PTPRD: variants seen among roughly 807,000 people sequenced by gnomAD.
PTPRD encodes protein tyrosine phosphatase receptor type D.
In PTPRD, 34 loss-of-function variants were observed where a neutral mutation model predicts 214.5. The observed-to-expected ratio is 0.16, with a 90% confidence interval of 0.12 to 0.21. The LOEUF (loss-of-function observed/expected upper bound fraction) is 0.21, where lower values mean the gene tolerates loss of function less well. Among genes scored for constraint, PTPRD ranks in the 10% least tolerant of loss-of-function variants. The pLI, the probability that PTPRD is intolerant of heterozygous loss-of-function variation, is 1.00. For missense variants in PTPRD, 2,545 were observed against 2,398.7 expected (o/e 1.06, Z -1.27); for synonymous variants, 1,128 against 845.7 (o/e 1.33, Z -5.79).
chr9:8,714,360 C>T (rs551932550), intron 12 of PTPRD, among the ~76,000 whole-genome samples: 2 of 152,064 alleles, frequency 1.3e-5, no homozygotes, highest in Middle Eastern at 3.4e-3. Context: ...CTTTATTCTG[C>T]CCTTTGCAGA....
intron 10 of PTPRD, among the ~76,000 whole-genome samples, chr9:9,145,714 G>C (rs2099867464): frequency 6.6e-6 from 1 of 152,150 alleles, no homozygotes; most frequent in South Asian, 2.1e-4. Context: ...GCCCTGTGTA[G>C]AAGCAAGGAG....
intron 10 of PTPRD, among the ~76,000 whole-genome samples, chr9:9,112,362 T>C (rs1329668170): frequency 3.3e-5 from 5 of 152,118 alleles, no homozygotes; most frequent in Admixed American, 2.0e-4. Flanking sequence ...AATTTTCCCC[T>C]CCTCTCCAGC....
chr9:8,732,547 G>A (rs774841295), intron 12 of PTPRD, among the ~76,000 whole-genome samples: 6 of 152,136 alleles, frequency 3.9e-5, no homozygotes, highest in African/African-American at 1.2e-4. Context: ...TCTTTTCCCA[G>A]TTAATTATTT....
intron 2 of PTPRD, among the ~76,000 whole-genome samples, chr9:10,459,417 G>A (rs780858763): frequency 1.3e-5 from 2 of 152,138 alleles, no homozygotes; most frequent in Non-Finnish European, 2.9e-5. Flanking sequence ...TATATACCCA[G>A]TAATGGGATT....
chr9:8,910,537 C>T (rs912450537), intron 11 of PTPRD, among the ~76,000 whole-genome samples: 2 of 152,146 alleles, frequency 1.3e-5, no homozygotes, highest in African/African-American at 4.8e-5. Flanking sequence ...TGCTCAGCCC[C>T]TCACCATGTG....
intron 37 of PTPRD, among the ~76,000 whole-genome samples, 182 bp from the exon 38 acceptor site, chr9:8,376,908 C>A (rs1478794938): frequency 6.6e-6 from 1 of 152,144 alleles, no homozygotes; most frequent in African/African-American, 2.4e-5. Context: ...ATATAAACCA[C>A]ATTTTTCAAA....
intron 4 of PTPRD, among the ~76,000 whole-genome samples, chr9:10,014,444 CA>C (rs1216134680): frequency 7.9e-5 from 12 of 151,960 alleles, no homozygotes; most frequent in African/African-American, 2.9e-4. Flanking sequence ...ATTCTAGGTG[CA>C]TTTTGACTTT....
At chr9:9,873,026 C>G (rs1196175474) in intron 5 of PTPRD, among the ~76,000 whole-genome samples, 1 of 152,008 alleles carries the variant, frequency 6.6e-6, no homozygotes, top group Non-Finnish European at 1.5e-5. Flanking sequence ...TTTGATAATC[C>G]TTTTTAAAAT....
chr9:10,093,200 A>C (rs2098449988), intron 3 of PTPRD, among the ~76,000 whole-genome samples: 1 of 151,666 alleles, frequency 6.6e-6, no homozygotes, highest in Admixed American at 6.6e-5. Context: ...CAAACTATGC[A>C]TCAAGAAAAG....
intron 5 of PTPRD, among the ~76,000 whole-genome samples, chr9:9,902,055 T>C (rs1190413019): frequency 3.9e-5 from 6 of 152,222 alleles, no homozygotes; most frequent in Non-Finnish European, 5.9e-5. Context: ...CTAATAGGTC[T>C]GGTAAATACC....
chr9:9,295,400 T>C (rs1595352147), intron 9 of PTPRD, among the ~76,000 whole-genome samples: 2 of 151,766 alleles, frequency 1.3e-5, no homozygotes, highest in East Asian at 1.9e-4. Context: ...CTGACAGTTC[T>C]GTCACAAAAA....
rs188747552 is a variant in PTPRD at position 10,484,270 on chromosome 9, T to A, written c.-600+128128A>T. Among the ~76,000 whole-genome samples the A allele has an allele frequency of 1.0e-3, 154 of 152,164 alleles. 1 individual carries two copies. Among genetic ancestry groups the A allele is most frequent in the Admixed American group, 3.8e-3 (58 of 15,282 alleles). ...GGGTACACGAGGTCAGACAGAGTAG[T>A]ACAATGGACATTGGAGACTCAGAAA... On this transcript the variant is annotated intron_variant, in intron 2 of 45. Transcript: ENST00000381196.
intron 2 of PTPRD, among the ~76,000 whole-genome samples, chr9:10,373,399 T>G (rs1313396744): frequency 6.6e-6 from 1 of 152,108 alleles, no homozygotes; most frequent in Non-Finnish European, 1.5e-5. Flanking sequence ...AACATTCAGA[T>G]TATTTTGTAT....
chr9:8,800,989 C>T (rs1023930938), intron 11 of PTPRD, among the ~76,000 whole-genome samples: 1 of 152,170 alleles, frequency 6.6e-6, no homozygotes, highest in African/African-American at 2.4e-5. Flanking sequence ...GGCTATGATA[C>T]AAATACTTAA....
intron 9 of PTPRD, among the ~76,000 whole-genome samples, chr9:9,356,002 G>C (rs771654710): frequency 7.9e-5 from 12 of 151,422 alleles, no homozygotes; most frequent in African/African-American, 2.9e-4. Flanking sequence ...TAGAGCATTG[G>C]ATTTAGCAAT....
chr9:8,671,330 T>C (rs1290527408), intron 12 of PTPRD, among the ~76,000 whole-genome samples: 3 of 152,038 alleles, frequency 2.0e-5, no homozygotes, highest in Non-Finnish European at 4.4e-5. Flanking sequence ...GTGGAAGGCA[T>C]ATAAATTAGT....
intron 5 of PTPRD, among the ~76,000 whole-genome samples, chr9:9,859,599 T>C (rs2153687462): frequency 6.6e-6 from 1 of 152,350 alleles, no homozygotes; most frequent in East Asian, 1.9e-4. Flanking sequence ...CATATTTGTA[T>C]AAATATTCTA....
At chr9:9,507,896 T>C (rs2096607322) in intron 8 of PTPRD, among the ~76,000 whole-genome samples, 1 of 151,468 alleles carries the variant, frequency 6.6e-6, no homozygotes, top group African/African-American at 2.4e-5. Flanking sequence ...ATTCGTGTCT[T>C]GGGTAGCTCT....
intron 3 of PTPRD, among the ~76,000 whole-genome samples, chr9:10,229,398 C>A (rs967403467): frequency 6.6e-6 from 1 of 152,022 alleles, no homozygotes; most frequent in Non-Finnish European, 1.5e-5. Context: ...AAGACACATG[C>A]ACACGTATGT....
Sources: allele counts gnomAD v4.1 joint callset (sites outside exome capture counted in the v4.1 genomes callset), GRCh38; gene constraint gnomAD v4.1.1; transcripts MANE v1.5; gene names NCBI Gene and HGNC (gene_info 2026-07-23, HGNC 2026-07-21).